The following DNAH14 variants were observed in gnomAD, a reference collection of about 807,000 sequenced individuals.
DNAH14 encodes the protein dynein axonemal heavy chain 14.
Under a neutral mutation model 520.9 loss-of-function variants are expected in DNAH14, and 478 were observed. The observed-to-expected ratio is 0.92, with a 90% CI of 0.85 to 0.99. DNAH14 has a LOEUF of 0.99. Among genes scored for constraint, DNAH14 ranks in the 50% least tolerant of loss-of-function variants. The probability of loss-of-function intolerance (pLI) is 0.00; values close to 1 mark genes in which losing one functional copy is unlikely to be tolerated. For synonymous variants in DNAH14, 1,581 were observed against 1,757.2 expected, an observed-to-expected ratio of 0.90 and a Z score of 2.51; for missense variants, 4,831 against 5,234.5, an observed-to-expected ratio of 0.92 and a Z score of 2.38.
At chr1:225,389,968 TG>T in intron 83 of DNAH14, 95 bp downstream of exon 83, 1 of 1,135,716 alleles carries the variant, frequency 8.8e-7, no homozygotes, top group East Asian at 2.6e-5. Context: ...CCCTTTAGGA[TG>T]ACAACACCTG....
intron 1 of DNAH14, among the ~76,000 whole-genome samples, chr1:224,937,016 A>T (rs1359314935): frequency 1.3e-5 from 2 of 152,030 alleles, no homozygotes; most frequent in Non-Finnish European, 2.9e-5. Flanking sequence ...AAAATTAAAC[A>T]TCCTTTTATG....
At chr1:225,329,016 TCATAA>T (rs1270630079) in intron 64 of DNAH14, among the ~76,000 whole-genome samples, 2 of 152,148 alleles carry the variant, frequency 1.3e-5, no homozygotes, top group Non-Finnish European at 2.9e-5. Context: ...AAATTACCAA[TCATAA>T]TAAGCACAAT....
chr1:225,011,758 CTTTTTTTTTTTTT>C (rs200216236), intron 10 of DNAH14, among the ~76,000 whole-genome samples: 10 of 82,128 alleles, frequency 1.2e-4, no homozygotes, highest in Middle Eastern at 0.01. Flanking sequence ...GCAACCTCTG[CTTTTTTTTTTTTT>C]TTTTTTTTTT....
At position 225,324,744 on chromosome 1, in the gene DNAH14, G is replaced by A. The variant is rs1558388694; in HGVS notation, c.9635G>A (p.Gly3212Asp). The A allele has an allele frequency of 1.3e-6, 2 of 1,551,214 alleles. No homozygotes were observed. The highest frequency in any genetic ancestry group is 1.7e-6 in the Non-Finnish European group (2 of 1,146,778). The change falls in exon 64 of 86, where the codon GGC (glycine) becomes GAC (aspartate). Residue 3212 changes from glycine (G) to aspartate (D), a missense_variant. Gly to Asp is a moderately conservative substitution (Grantham distance 94). Coordinates refer to ENST00000682510, the MANE Select transcript of DNAH14 (RefSeq NM_001367479.1). ...TCTGACATTCTCTTTAAGGTTGTGG[G>A]CCCTAAACAAATCCAAGTAGCTGAA... ...NNYHEVQKVV[G>D]PKQIQVAEAQ...
chr1:225,262,228 G>C (rs1350776781), intron 46 of DNAH14, among the ~76,000 whole-genome samples: 1 of 151,418 alleles, frequency 6.6e-6, no homozygotes, highest in Non-Finnish European at 1.5e-5. Context: ...GTTTCTTGTA[G>C]ATTCTGGATA....
intron 23 of DNAH14, among the ~76,000 whole-genome samples, chr1:225,102,325 A>G (rs2075566486): frequency 1.3e-5 from 2 of 151,940 alleles, no homozygotes; most frequent in African/African-American, 4.8e-5. Flanking sequence ...AGTCTTTGCT[A>G]TTGTGAATAG....
At chr1:225,378,637 C>A (rs747295096) in intron 79 of DNAH14, among the ~76,000 whole-genome samples, 16 of 152,114 alleles carry the variant, frequency 1.1e-4, no homozygotes, top group Non-Finnish European at 1.8e-4. Context: ...GATGCCAGCA[C>A]TTTGGGAGGC....
At chr1:225,030,259 T>C (rs2066431483) in intron 11 of DNAH14, among the ~76,000 whole-genome samples, 1 of 151,882 alleles carries the variant, frequency 6.6e-6, no homozygotes, top group South Asian at 2.1e-4. Flanking sequence ...GCAAAGGCAG[T>C]GCTTAGAGGG....
intron 12 of DNAH14, among the ~76,000 whole-genome samples, chr1:225,042,312 A>G (rs1477375344): frequency 3.9e-5 from 6 of 152,204 alleles, no homozygotes; most frequent in African/African-American, 1.4e-4. Context: ...GCCTAAGAAC[A>G]ATTATTTACA....
chr1:225,375,925 T>C (rs561070807), intron 78 of DNAH14, among the ~76,000 whole-genome samples: 3 of 149,732 alleles, frequency 2.0e-5, no homozygotes, highest in Non-Finnish European at 4.4e-5. Context: ...TCATCTCTAC[T>C]AAAAATACAA....
chr1:225,135,482 C>T (rs2079615640), intron 27 of DNAH14, among the ~76,000 whole-genome samples: 1 of 152,088 alleles, frequency 6.6e-6, no homozygotes, highest in Non-Finnish European at 1.5e-5. Context: ...ATTTCTTAAT[C>T]TTGAGTTCTA....
At chr1:225,271,839 A>G in intron 50 of DNAH14, 67 bp from the exon 51 acceptor site, 1 of 1,280,280 alleles carries the variant, frequency 7.8e-7, no homozygotes, top group Non-Finnish European at 1.1e-6. Flanking sequence ...TTTTTAGTGG[A>G]AGGTAGCCAG....
chr1:224,942,864 A>G (rs1262963611), intron 1 of DNAH14, among the ~76,000 whole-genome samples: 1 of 152,126 alleles, frequency 6.6e-6, no homozygotes, highest in Non-Finnish European at 1.5e-5. Context: ...CCACTTGATC[A>G]TGGTGGATAA....
intron 36 of DNAH14, among the ~76,000 whole-genome samples, chr1:225,169,683 G>C (rs1272059316): frequency 6.6e-6 from 1 of 152,206 alleles, no homozygotes; most frequent in Non-Finnish European, 1.5e-5. Flanking sequence ...ATGGAACCAA[G>C]TAGGAAAACA....
At chr1:225,183,782 T>A (rs2084341178) in intron 36 of DNAH14, among the ~76,000 whole-genome samples, 1 of 151,114 alleles carries the variant, frequency 6.6e-6, no homozygotes, top group Admixed American at 6.6e-5. Flanking sequence ...CCTCAAAGAC[T>A]ATTACGAACA....
chr1:225,105,019 A>G (rs1031439896), intron 23 of DNAH14, among the ~76,000 whole-genome samples: 8 of 152,130 alleles, frequency 5.3e-5, no homozygotes, highest in Non-Finnish European at 7.3e-5. Flanking sequence ...TCTTGTGGGC[A>G]TTTAGTGCTA....
chr1:225,377,524 C>A, intron 79 of DNAH14, 88 bp downstream of exon 79: 1 of 1,295,192 alleles, frequency 7.7e-7, no homozygotes, highest in Non-Finnish European at 1.0e-6. Flanking sequence ...CCTTGGGAGG[C>A]TGAGGTGGAC....
chr1:225,116,987 C>T (rs376366101), intron 23 of DNAH14, among the ~76,000 whole-genome samples: 97 of 152,170 alleles, frequency 6.4e-4, no homozygotes, highest in South Asian at 1.7e-3. Context: ...TAAAGGAGAA[C>T]AAAGAGAGAT....
At chr1:225,066,490 T>C (rs1295094593) in intron 17 of DNAH14, among the ~76,000 whole-genome samples, 1 of 152,008 alleles carries the variant, frequency 6.6e-6, no homozygotes, top group Non-Finnish European at 1.5e-5. Flanking sequence ...ATTTTTAATT[T>C]ATTTTTATTA....
Sources: allele counts gnomAD v4.1 joint callset (sites outside exome capture counted in the v4.1 genomes callset), GRCh38; gene constraint gnomAD v4.1.1; transcripts MANE v1.5; gene names NCBI Gene and HGNC (gene_info 2026-07-23, HGNC 2026-07-21).